SMYD2: variants seen among roughly 807,000 people sequenced by gnomAD.
The protein encoded by SMYD2 is SET and MYND domain containing 2, also known as N-lysine methyltransferase SMYD2.
In SMYD2, 53 loss-of-function variants were observed where a neutral mutation model predicts 59.1. That is an observed-to-expected ratio of 0.90 (90% CI 0.72 to 1.13). The LOEUF (loss-of-function observed/expected upper bound fraction) is 1.13, where lower values mean the gene tolerates loss of function less well. Ranked by LOEUF, SMYD2 falls within the 50% of genes most tolerant of loss-of-function variation. The pLI is 0.00. For missense variants in SMYD2, 494 were observed against 544.7 expected (o/e 0.91, Z 0.93); for synonymous variants, 208 against 198.8 (o/e 1.05, Z -0.39).
At chr1:214,309,841 A>G (rs138248399) in intron 2 of SMYD2, among the ~76,000 whole-genome samples, 123 of 152,300 alleles carry the variant, frequency 8.1e-4, no homozygotes, top group Admixed American at 1.5e-3. Context: ...GAAAACACAA[A>G]GCATATGTCC....
At chr1:214,321,792 G>C (rs1198241616) in intron 5 of SMYD2, among the ~76,000 whole-genome samples, 3 of 152,210 alleles carry the variant, frequency 2.0e-5, no homozygotes, top group Non-Finnish European at 2.9e-5. Flanking sequence ...TCAGAAAAAA[G>C]ACTGTGGACC....
intron 1 of SMYD2, among the ~76,000 whole-genome samples, chr1:214,286,258 G>A (rs188207791): frequency 5.9e-5 from 9 of 152,170 alleles, no homozygotes; most frequent in Non-Finnish European, 1.0e-4. Context: ...TTGAAGCCAA[G>A]ATTTTGAGAC....
intron 10 of SMYD2, 90 bp from the exon 11 acceptor site, chr1:214,334,110 G>A (rs1436894945): frequency 1.9e-5 from 23 of 1,213,292 alleles, no homozygotes; most frequent in Non-Finnish European, 2.5e-5. Context: ...TTGGCCCTAA[G>A]CATGGCAGCC....
intron 3 of SMYD2, among the ~76,000 whole-genome samples, chr1:214,315,153 A>T (rs1340254585): frequency 6.6e-6 from 1 of 152,204 alleles, no homozygotes; most frequent in Non-Finnish European, 1.5e-5. Context: ...GAAATACGTG[A>T]CATGAAAAGC....
In SMYD2 at chr1:214,318,073, T is replaced by A; in HGVS notation, c.349-6T>A. 1 of 1,613,190 alleles carries A rather than the reference T, an allele frequency of 6.2e-7. No individual in the cohort carries two copies. Among genetic ancestry groups the A allele is most frequent in the South Asian group, 1.1e-5 (1 of 90,864 alleles). ...GTATCTGTGTGATTTCTTCCCCAAT[T>A]GCTAGAAAATCCACCCAGAGAGAAC... is the stretch of plus-strand genomic sequence containing the variant. On this transcript the variant is annotated splice_polypyrimidine_tract_variant and splice_region_variant and intron_variant, in intron 3 of 11. Transcript: ENST00000366957. This position sits in a 1 kb window ranked among gnomAD's most constrained non-coding sequence, Gnocchi z 5.4.
intron 1 of SMYD2, among the ~76,000 whole-genome samples, chr1:214,300,540 G>T (rs1437743433): frequency 6.6e-6 from 1 of 152,148 alleles, no homozygotes; most frequent in African/African-American, 2.4e-5. Context: ...ACATTAATGG[G>T]ATACCACTGG....
intron 1 of SMYD2, among the ~76,000 whole-genome samples, chr1:214,294,974 G>A (rs1270818941): frequency 1.3e-5 from 2 of 152,130 alleles, no homozygotes; most frequent in Admixed American, 6.5e-5. Flanking sequence ...AAGCATAGGG[G>A]AATCTAATAA....
In SMYD2 at chr1:214,318,991, C is replaced by T. The variant is rs766960552; in HGVS notation, c.534+8C>T. On this transcript the variant is annotated splice_region_variant and intron_variant, in intron 5 of 11. Coordinates refer to ENST00000366957, the MANE Select transcript of SMYD2 (RefSeq NM_020197.3). The surrounding 1 kb of genome is among the most constrained non-coding windows in gnomAD (Gnocchi z 5.4). ...GTAGTACTCTTTGCACAGGTAAGGA[C>T]GCTGGCAGCAGGTAACACTCAGTCT... 97 of 1,613,262 alleles carry T rather than the reference C, an allele frequency of 6.0e-5. No homozygotes were observed. The highest frequency in any genetic ancestry group is 7.7e-5 in the Non-Finnish European group (91 of 1,179,672).
chr1:214,333,443 A>G (rs1657388093), intron 10 of SMYD2: 1 of 152,146 alleles, frequency 6.6e-6, no homozygotes, highest in Non-Finnish European at 1.5e-5. Flanking sequence ...GTCTTTTTGG[A>G]CTGACTTTCA....
At chr1:214,293,795 G>A (rs1028782030) in intron 1 of SMYD2, among the ~76,000 whole-genome samples, 6 of 152,140 alleles carry the variant, frequency 3.9e-5, no homozygotes, top group Admixed American at 1.3e-4. Flanking sequence ...TCCTGCCTCC[G>A]CCTCCCGAGT....
At chr1:214,310,107 C>T (rs1022960565) in intron 2 of SMYD2, among the ~76,000 whole-genome samples, 1 of 152,302 alleles carries the variant, frequency 6.6e-6, no homozygotes, top group African/African-American at 2.4e-5. Flanking sequence ...GTCTCCTTAT[C>T]GAGGAAGGCA....
At chr1:214,320,514 T>C (rs1375013490) in intron 5 of SMYD2, among the ~76,000 whole-genome samples, 1 of 152,168 alleles carries the variant, frequency 6.6e-6, no homozygotes, top group Non-Finnish European at 1.5e-5. Flanking sequence ...TAGTCCCAGC[T>C]ACTCAGGAGG....
Position 214,318,766 on chromosome 1 carries a change from G to GT in SMYD2, c.410-91dup. On this transcript the variant is annotated intron_variant, in intron 4 of 11. Coordinates refer to ENST00000366957, the MANE Select transcript of SMYD2 (RefSeq NM_020197.3). This position sits in a 1 kb window ranked among gnomAD's most constrained non-coding sequence, Gnocchi z 5.4. The stretch of plus-strand genomic sequence containing the variant: ...GTTTTGGGTTTTTTTTTTTTCGCCC[G>GT]TTCCTTTCCTCTGTATCATTTACAG... The GT allele has an allele frequency of 7.6e-7, 1 of 1,308,568 alleles. No individual in the cohort carries two copies. The highest frequency in any genetic ancestry group is 1.0e-6 in the Non-Finnish European group (1 of 967,316). The allele number at this position is 1,308,568 out of a possible 1,614,324, so 81.1% of individuals were successfully genotyped here. A position where few individuals can be genotyped will look rare whatever the true frequency, so the allele number is the denominator to read the frequency against.
At chr1:214,303,097 T>C (rs895668210) in intron 1 of SMYD2, among the ~76,000 whole-genome samples, 1 of 152,128 alleles carries the variant, frequency 6.6e-6, no homozygotes, top group Admixed American at 6.6e-5. Flanking sequence ...GGTGGGTTAT[T>C]AGAGTAAGTT....
chr1:214,281,320 G>C lies in SMYD2; in HGVS notation c.66G>C (p.Arg22=), dbSNP rs1656437903. 7.1e-7 allele frequency: 1 copy of C among 1,418,320 alleles called. No individual in the cohort carries two copies. Among genetic ancestry groups the C allele is most frequent in the Non-Finnish European group, 9.3e-7 (1 of 1,076,660 alleles). 87.9% of individuals were successfully genotyped at this position (1,418,320 alleles called of 1,614,324 possible). The change falls in exon 1 of 12, where the codon CGG becomes CGC. Residue 22 remains arginine, a synonymous_variant. Transcript: ENST00000366957. ...GCCCGGGCAAAGGCCGGGGGCTGCGGGCTCTGCAGCCCTTCCAGGTGGGGG... is the reference window on the plus strand; with the variant it reads ...GCCCGGGCAAAGGCCGGGGGCTGCGCGCTCTGCAGCCCTTCCAGGTGGGGG... ...FCSPGKGRGL[R]ALQPFQVGDL...
chr1:214,308,492 C>T (rs865803769), intron 2 of SMYD2, among the ~76,000 whole-genome samples: 5 of 147,554 alleles, frequency 3.4e-5, no homozygotes, highest in African/African-American at 9.7e-5. Flanking sequence ...GTTCAGGGTT[C>T]GGCTTAAGGG....
intron 10 of SMYD2, chr1:214,332,396 G>T: frequency 1.8e-6 from 1 of 568,090 alleles, no homozygotes; most frequent in Non-Finnish European, 3.0e-6. Context: ...ACAGGTTGAG[G>T]TTATGCAGCG....
At position 214,302,109 on chromosome 1, in the gene SMYD2, A is replaced by G. The variant is rs902721818; in HGVS notation, c.174-3078A>G. 2.0e-5 allele frequency among the ~76,000 whole-genome samples: 3 copies of G among 152,266 alleles called. No individual in the cohort carries two copies. The East Asian group carries it at 5.8e-4, about 29-fold the overall frequency. ...GTAATCCCAGCACTTTGGAAGGCTG[A>G]GGCTGGTGGATCACCTGAGGTCAGG... On this transcript the variant is annotated intron_variant, in intron 1 of 11. Transcript: ENST00000366957.
chr1:214,300,649 G>C (rs890102936), intron 1 of SMYD2, among the ~76,000 whole-genome samples: 1 of 152,130 alleles, frequency 6.6e-6, no homozygotes, highest in African/African-American at 2.4e-5. Context: ...TTTTTGCTGC[G>C]TGGAGTCTAC....
Sources: allele counts gnomAD v4.1 joint callset (sites outside exome capture counted in the v4.1 genomes callset), GRCh38; gene constraint gnomAD v4.1.1; non-coding constraint Gnocchi (gnomAD v3.1); transcripts MANE v1.5; gene names NCBI Gene and HGNC (gene_info 2026-07-23, HGNC 2026-07-21).